Variants in DUXB observed in about 807,000 individuals in gnomAD.
DUXB encodes double homeobox protein B.
In DUXB, 22 loss-of-function variants were observed where a neutral mutation model predicts 8.9. That is an observed-to-expected ratio of 2.46 (90% CI 1.76 to 3.52). DUXB has a LOEUF of 3.52. Ranked by LOEUF, DUXB falls within the 30% of genes most tolerant of loss-of-function variation. DUXB has a pLI of 0.00. For missense variants in DUXB, 237 were observed against 108.7 expected, an observed-to-expected ratio of 2.18 and a Z score of -5.25; for synonymous variants, 84 against 37.6, an observed-to-expected ratio of 2.23 and a Z score of -4.52.
intron 4 of DUXB, among the ~76,000 whole-genome samples, chr16:75,694,887 A>G (rs2082592788): frequency 6.6e-6 from 1 of 152,248 alleles, no homozygotes; most frequent in Non-Finnish European, 1.5e-5. Flanking sequence ...ACATCATTTT[A>G]TATCAGGAAC....
intron 2 of DUXB, among the ~76,000 whole-genome samples, chr16:75,697,904 G>T (rs1000292185): frequency 6.6e-6 from 1 of 152,160 alleles, no homozygotes; most frequent in Non-Finnish European, 1.5e-5. Context: ...CTCTTTATGA[G>T]AATCTAACTA....
Position 75,694,393 on chromosome 16 carries a change from T to TG in DUXB, c.573dup (p.Thr192HisfsTer17). ...CAAGAAAAATAATGAGAGCTGTCTG[T>TG]GGGGAGGAACAGGTTGATTGGATGC... is the stretch of plus-strand genomic sequence containing the variant. On this transcript the variant is annotated frameshift_variant, in exon 5 of 5. Coordinates refer to ENST00000633875, the MANE Select transcript of DUXB (RefSeq NM_001351307.2). LOFTEE classifies it low-confidence loss of function (END_TRUNC). 1 of 690,070 alleles carries TG rather than the reference T, an allele frequency of 1.4e-6. No individual in the cohort carries two copies. Among genetic ancestry groups the TG allele is most frequent in the South Asian group, 1.5e-5 (1 of 65,176 alleles). 42.7% of individuals were successfully genotyped at this position (690,070 alleles called of 1,614,324 possible).
intron 1 of DUXB, among the ~76,000 whole-genome samples, chr16:75,700,631 G>T (rs1019933698): frequency 4.6e-5 from 7 of 151,782 alleles, no homozygotes; most frequent in South Asian, 2.1e-4. Context: ...CATTCTCCCC[G>T]GTCAGCCTCC....
At chr16:75,697,452 G>A (rs1239520425) in intron 2 of DUXB, among the ~76,000 whole-genome samples, 2 of 152,042 alleles carry the variant, frequency 1.3e-5, no homozygotes, top group Non-Finnish European at 2.9e-5. Flanking sequence ...TTTTTGTCCC[G>A]GGGTTAACAA....
At chr16:75,696,359 C>T (rs1184401995) in intron 3 of DUXB, among the ~76,000 whole-genome samples, 8 of 152,128 alleles carry the variant, frequency 5.3e-5, no homozygotes, top group African/African-American at 1.9e-4. Flanking sequence ...CGAGGCCAGC[C>T]TGGCCAACTG....
At chr16:75,700,753 C>T (rs1959205765) in intron 1 of DUXB, among the ~76,000 whole-genome samples, 1 of 151,910 alleles carries the variant, frequency 6.6e-6, no homozygotes, top group African/African-American at 2.4e-5. Flanking sequence ...GTGATCTGCC[C>T]ACCTCGGCCT....
intron 4 of DUXB, among the ~76,000 whole-genome samples, chr16:75,695,733 T>C (rs1410594095): frequency 6.6e-5 from 10 of 152,220 alleles, no homozygotes; most frequent in Admixed American, 6.5e-4. Context: ...TCTAACAATG[T>C]TCTCAAAATG....
intron 4 of DUXB, among the ~76,000 whole-genome samples, chr16:75,695,018 T>C (rs1482233332): frequency 6.6e-6 from 1 of 152,244 alleles, no homozygotes; most frequent in Non-Finnish European, 1.5e-5. Context: ...TTTATTTTAT[T>C]ACTTTTGTTT....
chr16:75,699,846 C>T (rs529397523), intron 2 of DUXB, among the ~76,000 whole-genome samples, 169 bp downstream of exon 2: 1 of 152,356 alleles, frequency 6.6e-6, no homozygotes, highest in African/African-American at 2.4e-5. Flanking sequence ...CAGGCGTGAG[C>T]CACCGCGCCC....
rs1257657470 is a variant in DUXB, at chr16:75,700,168, GC to G, written c.26del (p.Gly9AlafsTer60). 1 of 700,850 alleles carries G rather than the reference GC, an allele frequency of 1.4e-6. No individual in the cohort carries two copies. The highest frequency in any genetic ancestry group is 1.5e-5 in the South Asian group (1 of 66,944). 43.4% of individuals were successfully genotyped at this position (700,850 alleles called of 1,614,324 possible). On this transcript the variant is annotated frameshift_variant and splice_region_variant, in exon 2 of 5. Coordinates refer to ENST00000633875, the MANE Select transcript of DUXB (RefSeq NM_001351307.2). LOFTEE classifies it high-confidence loss of function. MNLEGTSG[G>X]ILQKEFWRNR... The stretch of plus-strand genomic sequence containing the variant: ...TTCTCCAGAATTCTTTTTGAAGTAT[GC>G]CTGATGAACAGAAAAGGGGGAGAAT...
intron 1 of DUXB, 142 bp downstream of exon 1, chr16:75,701,252 C>T (rs1366191352): frequency 2.5e-6 from 1 of 396,456 alleles, no homozygotes; most frequent in East Asian, 3.6e-5. Context: ...TGTTCTGACA[C>T]AATTTATCAG....
intron 2 of DUXB, among the ~76,000 whole-genome samples, chr16:75,699,505 C>A (rs901948221): frequency 6.6e-6 from 1 of 152,082 alleles, no homozygotes; most frequent in South Asian, 2.1e-4. Context: ...AATGATATTT[C>A]CACCTTTGGT....
In DUXB at chr16:75,696,034, C is replaced by G. The variant is rs1287592066; in HGVS notation, c.368G>C (p.Arg123Thr). The G allele has an allele frequency of 5.7e-6, 4 of 702,906 alleles. No individual in the cohort carries two copies. The highest frequency in any genetic ancestry group is 5.4e-5 in the East Asian group (2 of 37,304). The allele number at this position is 702,906 out of a possible 1,614,324, so 43.5% of individuals were successfully genotyped here. A position where few individuals can be genotyped will look rare whatever the true frequency, so the allele number is the denominator to read the frequency against. The change falls in exon 4 of 5, where the codon AGG (arginine) becomes ACG (threonine). Residue 123 changes from arginine (R) to threonine (T), a missense_variant. Transcript: ENST00000633875. ...GGTAGCAATATCAGGGAATGGGTTC[C>G]TCTCAAAGGCTTGCACTAGCCTGTT... is the stretch of plus-strand genomic sequence containing the variant. ...QKNRLVQAFE[R>T]NPFPDIATRK... is the part of the protein sequence containing the mutation.
chr16:75,695,801 C>T, intron 4 of DUXB, 160 bp downstream of exon 4: 1 of 594,392 alleles, frequency 1.7e-6, no homozygotes, highest in Non-Finnish European at 3.0e-6. Context: ...GAAAATTCTT[C>T]CTTGACAAAA....
chr16:75,698,150 T>A (rs960617581), intron 2 of DUXB, among the ~76,000 whole-genome samples: 5 of 152,208 alleles, frequency 3.3e-5, no homozygotes, highest in Admixed American at 2.6e-4. Flanking sequence ...GTATAAACAC[T>A]ATGGCAGAGG....
chr16:75,698,380 A>G (rs1052563362), intron 2 of DUXB, among the ~76,000 whole-genome samples: 3 of 152,198 alleles, frequency 2.0e-5, no homozygotes, highest in Admixed American at 2.0e-4. Flanking sequence ...CTTATAGCCA[A>G]TGGCTTGTTG....
At chr16:75,696,239 C>T in intron 3 of DUXB, 124 bp from the exon 4 acceptor site, 1 of 623,940 alleles carries the variant, frequency 1.6e-6, no homozygotes, top group Non-Finnish European at 2.8e-6. Flanking sequence ...GAGGTCATTG[C>T]TCTGCAGCAG....
chr16:75,695,201 T>C (rs2082595731), intron 4 of DUXB, among the ~76,000 whole-genome samples: 1 of 152,210 alleles, frequency 6.6e-6, no homozygotes, highest in South Asian at 2.1e-4. Context: ...CAATTAAGTA[T>C]AGGTGAGTTG....
chr16:75,698,131 G>C (rs1959194592), intron 2 of DUXB, among the ~76,000 whole-genome samples: 1 of 152,332 alleles, frequency 6.6e-6, no homozygotes, highest in South Asian at 2.1e-4. Flanking sequence ...CTGGAAACAA[G>C]TGAAAAAAGT....
Sources: gnomAD v4.1 joint callset for allele counts (sites outside exome capture counted in the v4.1 genomes callset) on GRCh38, gnomAD v4.1.1 for gene constraint, MANE v1.5 for transcripts, NCBI Gene and HGNC (gene_info 2026-07-23, HGNC 2026-07-21) for gene names.